Variants in COL12A1 observed in about 807,000 individuals in gnomAD.
COL12A1 encodes collagen alpha-1(XII) chain.
In COL12A1, 114 loss-of-function variants were observed where a neutral mutation model predicts 349.7. That is an observed-to-expected ratio of 0.33 (90% CI 0.28 to 0.38). COL12A1 has a LOEUF of 0.38. COL12A1 is among the 10% of genes least tolerant of loss of function. COL12A1 has a pLI of 1.00. For missense variants in COL12A1, 3,284 were observed against 3,756.9 expected (o/e 0.87, Z 3.29); for synonymous variants, 1,369 against 1,329.0 (o/e 1.03, Z -0.66).
At chr6:75,134,989 T>TGTATG in intron 31 of COL12A1, 134 bp from the exon 32 acceptor site, 2 of 779,564 alleles carry the variant, frequency 2.6e-6, no homozygotes, top group African/African-American at 1.7e-5. Flanking sequence ...ACAGTCAAGG[T>TGTATG]TTAACATACA....
At position 75,095,117 on chromosome 6, in the gene COL12A1, A is replaced by G. The variant is rs770344730; in HGVS notation, c.8640T>C (p.His2880=). ...CAAGCTGTCCGCTTACTGGTCTGCC[A>G]TGATCTCCAGGTTTTCCTGGCTTCC... ...PSGKPGKPGD[H]GRPGPSGLKG... Residue 2880 remains histidine, a synonymous_variant, in exon 60 of 66, where the codon CAT becomes CAC. Transcript: ENST00000322507. 2 of 1,614,138 alleles carry G rather than the reference A, an allele frequency of 1.2e-6. No individual in the cohort carries two copies. Among genetic ancestry groups the G allele is most frequent in the Non-Finnish European group, 1.7e-6 (2 of 1,179,998 alleles).
At chr6:75,114,446 T>C (rs533507024) in intron 49 of COL12A1, among the ~76,000 whole-genome samples, 108 of 152,162 alleles carry the variant, frequency 7.1e-4, no homozygotes, top group Non-Finnish European at 1.3e-3. Flanking sequence ...AACAAAAAAT[T>C]GGTCCCATGT....
intron 13 of COL12A1, among the ~76,000 whole-genome samples, chr6:75,170,424 T>C (rs1768563084): frequency 6.6e-6 from 1 of 152,214 alleles, no homozygotes; most frequent in African/African-American, 2.4e-5. Context: ...GGAAATACAT[T>C]TGATTTACAA....
chr6:75,090,327 A>G lies in COL12A1; in HGVS notation c.8753-29T>C. 3 of 1,580,876 alleles carry G rather than the reference A, an allele frequency of 1.9e-6. No homozygotes were observed. Among genetic ancestry groups the G allele is most frequent in the Non-Finnish European group, 2.6e-6 (3 of 1,157,234 alleles). ...CAAGCAGAAATAAGGCTTGTTAGTA[A>G]GAAACCCAATAAAGGACGGATGAGA... On this transcript the variant is annotated intron_variant, in intron 62 of 65. Coordinates refer to ENST00000322507, the MANE Select transcript of COL12A1 (RefSeq NM_004370.6). This position sits in a 1 kb window ranked among gnomAD's most constrained non-coding sequence, Gnocchi z 4.1.
At chr6:75,108,811 T>C (rs1768689568) in intron 52 of COL12A1, among the ~76,000 whole-genome samples, 1 of 152,226 alleles carries the variant, frequency 6.6e-6, no homozygotes, top group Admixed American at 6.5e-5. Context: ...TTATTTTGTT[T>C]CTAGCAAGTA....
chr6:75,183,140 C>A lies in COL12A1; in HGVS notation c.1801G>T (p.Asp601Tyr), dbSNP rs377420427. Reference sequence around the variant, plus strand: ...GATATCCTCTGAAAAGCATCAAAATCTTCCACTGTGAACACATGGGTCTCT... The same window carrying A: ...GATATCCTCTGAAAAGCATCAAAATATTCCACTGTGAACACATGGGTCTCT... The part of the protein sequence containing the change: ...PAETHVFTVE[D>Y]FDAFQRISFE... Residue 601 changes from aspartate (D) to tyrosine (Y), a missense_variant, in exon 10 of 66, where the codon GAT becomes TAT. Transcript: ENST00000322507. 2 of 1,614,036 alleles carry A rather than the reference C, an allele frequency of 1.2e-6. No homozygotes were observed. The highest frequency in any genetic ancestry group is 2.7e-5 in the African/African-American group (2 of 74,924).
chr6:75,148,536 T>G, intron 21 of COL12A1, 39 bp from the exon 22 acceptor site: 1 of 1,560,894 alleles, frequency 6.4e-7, no homozygotes, highest in Non-Finnish European at 8.8e-7. Flanking sequence ...TTTCTCATTA[T>G]TGTAGAAAGG....
intron 51 of COL12A1, 188 bp downstream of exon 51, chr6:75,113,016 G>T: frequency 2.9e-6 from 1 of 349,622 alleles, no homozygotes; most frequent in Non-Finnish European, 5.1e-6. Context: ...AATATTACTC[G>T]TTATCTCTTG....
intron 16 of COL12A1, among the ~76,000 whole-genome samples, chr6:75,154,751 A>G (rs1767668766): frequency 6.6e-6 from 1 of 152,212 alleles, no homozygotes; most frequent in African/African-American, 2.4e-5. Context: ...GACAGCAATC[A>G]TTCCAGAGAA....
At chr6:75,122,825 T>TAATAAATC (rs1388191050) in intron 43 of COL12A1, among the ~76,000 whole-genome samples, 1 of 152,242 alleles carries the variant, frequency 6.6e-6, no homozygotes, top group African/African-American at 2.4e-5. Flanking sequence ...AGATCAACCT[T>TAATAAATC]AATAAATCAG....
intron 47 of COL12A1, among the ~76,000 whole-genome samples, chr6:75,116,953 T>C (rs1055265797): frequency 1.2e-4 from 18 of 152,144 alleles, no homozygotes; most frequent in African/African-American, 3.9e-4. Flanking sequence ...AACAAACAAA[T>C]GGGAACCAAA....
At chr6:75,172,346 C>T (rs1002483752) in intron 13 of COL12A1, among the ~76,000 whole-genome samples, 1 of 152,016 alleles carries the variant, frequency 6.6e-6, no homozygotes, top group Non-Finnish European at 1.5e-5. Flanking sequence ...TTTTTAGAAT[C>T]GAGAAGATTT....
chr6:75,152,957 A>G (rs977601966), intron 17 of COL12A1, among the ~76,000 whole-genome samples: 2 of 152,174 alleles, frequency 1.3e-5, no homozygotes, highest in Non-Finnish European at 2.9e-5. Context: ...AGATGGACTG[A>G]TAAAATATGT....
chr6:75,152,309 GGC>G, intron 18 of COL12A1, 22 bp downstream of exon 18: 1 of 1,613,452 alleles, frequency 6.2e-7, no homozygotes. Context: ...ATGTCTAAAT[GGC>G]TCCAATGTTG....
intron 16 of COL12A1, 86 bp from the exon 17 acceptor site, chr6:75,154,623 T>G: frequency 7.2e-7 from 1 of 1,397,544 alleles, no homozygotes; most frequent in African/African-American, 1.4e-5. Flanking sequence ...AAGACATTTT[T>G]CTTGATTTAC....
chr6:75,166,900 A>C (rs1768339363), intron 13 of COL12A1, among the ~76,000 whole-genome samples: 2 of 152,128 alleles, frequency 1.3e-5, no homozygotes, highest in South Asian at 2.1e-4. Flanking sequence ...GTCGATTTAG[A>C]GGGAAAAAAT....
chr6:75,202,377 T>C (rs751845473), intron 2 of COL12A1, among the ~76,000 whole-genome samples: 5 of 152,178 alleles, frequency 3.3e-5, no homozygotes, highest in African/African-American at 9.7e-5. Flanking sequence ...GGAGGTGTCC[T>C]GTTGGTTGCG....
chr6:75,177,858 C>G lies in COL12A1; in HGVS notation c.2242G>C (p.Gly748Arg). Reference sequence around the variant, plus strand: ...ATAATTCGATATCTTAAAACTCTCCCTGGAGCTTGAGTCCAAGTAATTTTG... The same window carrying G: ...ATAATTCGATATCTTAAAACTCTCCGTGGAGCTTGAGTCCAAGTAATTTTG... The part of the protein sequence containing the change: ...SFKITWTQAP[G>R]RVLRYRIIYR... Residue 748 changes from glycine (G) to arginine (R), a missense_variant, in exon 12 of 66, where the codon GGG (glycine) becomes CGG (arginine). Physicochemically the swap from Gly to Arg is moderately radical, Grantham distance 125 (BLOSUM62 -2). This residue lies in a region of COL12A1 where 2,601 missense variants were observed against 2,824.8 expected (regional missense o/e 0.92). Transcript: ENST00000322507. 1 of 1,614,014 alleles carries G rather than the reference C, an allele frequency of 6.2e-7. No individual in the cohort carries two copies. Among genetic ancestry groups the G allele is most frequent in the Non-Finnish European group, 8.5e-7 (1 of 1,180,026 alleles).
chr6:75,110,858 G>C (rs1296949187), intron 51 of COL12A1, among the ~76,000 whole-genome samples: 1 of 152,006 alleles, frequency 6.6e-6, no homozygotes, highest in Non-Finnish European at 1.5e-5. Context: ...AGTGAAGAAA[G>C]AGTGCTTGAA....
Sources: gnomAD v4.1 joint callset for allele counts (sites outside exome capture counted in the v4.1 genomes callset) on GRCh38, gnomAD v4.1.1 for gene constraint, gnomAD v4.1.1 regional missense constraint, Gnocchi (gnomAD v3.1) non-coding constraint, MANE v1.5 for transcripts, NCBI Gene and HGNC (gene_info 2026-07-23, HGNC 2026-07-21) for gene names.